Variants in SDK1 observed in about 807,000 individuals in gnomAD.
SDK1 encodes the protein protein sidekick-1.
SDK1 carries 157 observed loss-of-function variants against 245.5 expected under a neutral mutation model. That is an observed-to-expected ratio of 0.64 (90% confidence interval 0.56 to 0.73). The LOEUF (loss-of-function observed/expected upper bound fraction) is 0.73. Ranked by LOEUF, SDK1 falls within the 30% of genes least tolerant of loss-of-function variation. SDK1 has a pLI of 0.00. For missense variants in SDK1, 3,583 were observed against 3,002.3 expected, an observed-to-expected ratio of 1.19 and a Z score of -4.52; for synonymous variants, 1,647 against 1,278.5, an observed-to-expected ratio of 1.29 and a Z score of -6.15.
intron 35 of SDK1, among the ~76,000 whole-genome samples, chr7:4,195,407 G>C (rs923879241): frequency 6.6e-6 from 1 of 152,096 alleles, no homozygotes; most frequent in South Asian, 2.1e-4. Flanking sequence ...CTTCTCTCTG[G>C]GGTTTCTTGG....
At chr7:4,188,709 A>AC (rs928696477) in intron 35 of SDK1, among the ~76,000 whole-genome samples, 3 of 151,834 alleles carry the variant, frequency 2.0e-5, no homozygotes, top group Non-Finnish European at 2.9e-5. Flanking sequence ...GAAAAAAAAA[A>AC]CTCTTTCATC....
intron 28 of SDK1, among the ~76,000 whole-genome samples, chr7:4,142,464 G>T (rs1421534571): frequency 6.6e-6 from 1 of 152,062 alleles, no homozygotes; most frequent in African/African-American, 2.4e-5. Flanking sequence ...GAGTAGCTGG[G>T]ATTACAAGCG....
At chr7:3,733,524 G>C (rs771906935) in intron 4 of SDK1, among the ~76,000 whole-genome samples, 3 of 152,154 alleles carry the variant, frequency 2.0e-5, no homozygotes, top group Non-Finnish European at 2.9e-5. Context: ...GTGCTGAGCA[G>C]TGAGTGACTG....
intron 35 of SDK1, 139 bp from the exon 36 acceptor site, chr7:4,205,740 G>A: frequency 1.4e-6 from 1 of 706,748 alleles, no homozygotes; most frequent in Non-Finnish European, 2.4e-6. Flanking sequence ...CCTAAGCCAG[G>A]GCGACGGCCC....
chr7:3,462,549 G>A (rs1028924300), intron 1 of SDK1, among the ~76,000 whole-genome samples: 2 of 152,088 alleles, frequency 1.3e-5, no homozygotes, highest in African/African-American at 2.4e-5. Flanking sequence ...CTATCTACCT[G>A]TTAACTTGAT....
At position 3,969,007 on chromosome 7, in the gene SDK1, C is replaced by G. The variant is rs759052089; in HGVS notation, c.1547-250C>G. Among the ~76,000 whole-genome samples the G allele has an allele frequency of 5.9e-5, 9 of 152,076 alleles. No individual in the cohort carries two copies. The South Asian group carries it at 6.2e-4, about 11-fold the overall frequency. ...AGAGAAAGAGCAAAGGGGGAAGTGC[C>G]AAACAGTTTTAAACCATCAGATCTC... On this transcript the variant is annotated intron_variant, in intron 10 of 44. Coordinates refer to ENST00000404826, the MANE Select transcript of SDK1 (RefSeq NM_152744.4).
chr7:3,937,325 G>A (rs574307585), intron 5 of SDK1, among the ~76,000 whole-genome samples: 132 of 152,312 alleles, frequency 8.7e-4, no homozygotes, highest in African/African-American at 3.0e-3. Context: ...ATGGTCATGC[G>A]TTCCAGTGGG....
chr7:3,855,435 C>T (rs564815149), intron 5 of SDK1, among the ~76,000 whole-genome samples: 13 of 152,196 alleles, frequency 8.5e-5, no homozygotes, highest in Middle Eastern at 3.4e-3. Context: ...ATGGATGAAC[C>T]TGTAAATTAA....
chr7:4,203,523 ATT>A (rs150885926), intron 35 of SDK1, among the ~76,000 whole-genome samples: 1 of 122,868 alleles, frequency 8.1e-6, no homozygotes, highest in African/African-American at 3.4e-5. Flanking sequence ...AATTTCATGT[ATT>A]TTTTTTTTAA....
intron 4 of SDK1, among the ~76,000 whole-genome samples, chr7:3,792,356 C>G (rs1781124022): frequency 6.6e-6 from 1 of 152,076 alleles, no homozygotes; most frequent in African/African-American, 2.4e-5. Context: ...TCTTCTCTTT[C>G]TTCCATCATT....
At chr7:3,618,990 G>T in intron 1 of SDK1, 90 bp from the exon 2 acceptor site, 1 of 1,044,130 alleles carries the variant, frequency 9.6e-7, no homozygotes, top group Non-Finnish European at 1.4e-6. Flanking sequence ...TTAATATTAC[G>T]TTTGTTTAAA....
At chr7:3,539,596 G>A (rs954355884) in intron 1 of SDK1, among the ~76,000 whole-genome samples, 8 of 152,280 alleles carry the variant, frequency 5.3e-5, no homozygotes, top group Admixed American at 3.9e-4. Flanking sequence ...GAGCAGGGCC[G>A]TATCACATCT....
chr7:4,099,782 C>T (rs1398865381), intron 22 of SDK1, among the ~76,000 whole-genome samples: 2 of 150,444 alleles, frequency 1.3e-5, no homozygotes, highest in African/African-American at 4.9e-5. Context: ...TGGGAGATGG[C>T]CCAAGGGGAG....
chr7:3,855,543 G>A (rs1054268861), intron 5 of SDK1, among the ~76,000 whole-genome samples: 10 of 151,992 alleles, frequency 6.6e-5, no homozygotes, highest in African/African-American at 1.9e-4. Context: ...ATCAACAGAA[G>A]ACTAGGAGAA....
intron 1 of SDK1, among the ~76,000 whole-genome samples, chr7:3,379,213 A>G (rs978473335): frequency 2.0e-5 from 3 of 152,154 alleles, no homozygotes; most frequent in Non-Finnish European, 4.4e-5. Context: ...GGCATTAGAA[A>G]ATAATGGTGA....
chr7:3,649,647 C>T (rs1406307735), intron 4 of SDK1, among the ~76,000 whole-genome samples: 1 of 152,084 alleles, frequency 6.6e-6, no homozygotes, highest in Admixed American at 6.6e-5. Flanking sequence ...TATAACAATT[C>T]ACTTAATCTT....
At chr7:3,990,529 C>T (rs779715439) in intron 14 of SDK1, among the ~76,000 whole-genome samples, 13 of 152,318 alleles carry the variant, frequency 8.5e-5, no homozygotes, top group South Asian at 2.1e-4. Context: ...GCTGCCTGTA[C>T]GTAAAACAGG....
chr7:3,597,271 C>CAAAAA (rs59830553), intron 1 of SDK1, among the ~76,000 whole-genome samples: 1 of 89,472 alleles, frequency 1.1e-5, no homozygotes, highest in South Asian at 3.7e-4. Flanking sequence ...GACTTGGTCT[C>CAAAAA]AAAAAAAAAA....
chr7:4,135,509 T>G (rs1208057291), intron 28 of SDK1, among the ~76,000 whole-genome samples: 3 of 152,256 alleles, frequency 2.0e-5, no homozygotes, highest in Non-Finnish European at 4.4e-5. Context: ...ACAAGTCAGA[T>G]GGCACGAACC....
Sources: gnomAD v4.1 joint callset for allele counts (sites outside exome capture counted in the v4.1 genomes callset) on GRCh38, gnomAD v4.1.1 for gene constraint, MANE v1.5 for transcripts, NCBI Gene and HGNC (gene_info 2026-07-23, HGNC 2026-07-21) for gene names.